PARD3: variants seen among roughly 807,000 people sequenced by gnomAD.
PARD3 encodes the protein partitioning defective 3 homolog.
Under a neutral mutation model 155.4 loss-of-function variants are expected in PARD3, and 75 were observed. That is an observed-to-expected ratio of 0.48 (90% CI 0.40 to 0.58). The LOEUF (loss-of-function observed/expected upper bound fraction) is 0.58. Among genes scored for constraint, PARD3 ranks in the 20% least tolerant of loss-of-function variants. PARD3 has a pLI of 0.00. For synonymous variants in PARD3, 576 were observed against 610.5 expected, an observed-to-expected ratio of 0.94 and a Z score of 0.83; for missense variants, 1,642 against 1,721.7, an observed-to-expected ratio of 0.95 and a Z score of 0.82.
At chr10:34,808,433 A>G (rs1360710582) in intron 1 of PARD3, among the ~76,000 whole-genome samples, 1 of 152,212 alleles carries the variant, frequency 6.6e-6, no homozygotes, top group East Asian at 1.9e-4. Context: ...TTGCTTTTGT[A>G]CAGAAAAGGT....
chr10:34,521,020 G>A (rs1055460475), intron 2 of PARD3, among the ~76,000 whole-genome samples: 5 of 152,134 alleles, frequency 3.3e-5, no homozygotes, highest in Non-Finnish European at 7.4e-5. Context: ...TGAAATTCAT[G>A]TTTTGTTATT....
chr10:34,372,280 C>T (rs1289513509), intron 12 of PARD3, among the ~76,000 whole-genome samples: 4 of 151,950 alleles, frequency 2.6e-5, no homozygotes, highest in Admixed American at 1.3e-4. Flanking sequence ...CTCTTTTTTG[C>T]GTCTATCTGA....
chr10:34,565,108 C>T (rs533904405), intron 2 of PARD3, among the ~76,000 whole-genome samples: 2 of 150,126 alleles, frequency 1.3e-5, no homozygotes, highest in Non-Finnish European at 2.9e-5. Flanking sequence ...TAACTTTAGA[C>T]CATCAGTGAT....
chr10:34,701,540 C>G (rs965244888), intron 1 of PARD3, among the ~76,000 whole-genome samples: 11 of 152,084 alleles, frequency 7.2e-5, no homozygotes, highest in Non-Finnish European at 1.2e-4. Context: ...AAGACTTCCC[C>G]AACAGAGCCG....
chr10:34,284,086 A>G, intron 21 of PARD3, 49 bp downstream of exon 21: 1 of 1,053,456 alleles, frequency 9.5e-7, no homozygotes, highest in Non-Finnish European at 1.4e-6. Context: ...GAAAGAAAAA[A>G]AAAAAGAACC....
chr10:34,343,907 T>G (rs1311829614), intron 15 of PARD3: 1 of 982,826 alleles, frequency 1.0e-6, no homozygotes, highest in Non-Finnish European at 1.2e-6. Flanking sequence ...ATTGGCAAAT[T>G]TACATAGAAG....
intron 22 of PARD3, among the ~76,000 whole-genome samples, chr10:34,166,105 AT>A (rs1236566520): frequency 6.6e-6 from 1 of 152,146 alleles, no homozygotes; most frequent in African/African-American, 2.4e-5. Context: ...GAAGTACTTT[AT>A]TGCTGATAAA....
chr10:34,519,561 C>T (rs1438047889), intron 2 of PARD3, among the ~76,000 whole-genome samples: 1 of 152,094 alleles, frequency 6.6e-6, no homozygotes, highest in Non-Finnish European at 1.5e-5. Context: ...CGCCTGTAAT[C>T]CCAGCACTTT....
chr10:34,538,897 C>A (rs2083408901), intron 2 of PARD3, among the ~76,000 whole-genome samples: 1 of 152,184 alleles, frequency 6.6e-6, no homozygotes, highest in African/African-American at 2.4e-5. Context: ...CCGTGACTTG[C>A]AAACACAATG....
At chr10:34,222,031 A>T (rs1235663693) in intron 22 of PARD3, among the ~76,000 whole-genome samples, 1 of 152,244 alleles carries the variant, frequency 6.6e-6, no homozygotes, top group Admixed American at 6.5e-5. Context: ...AAATTTTATT[A>T]AAAACCTCTA....
chr10:34,124,533 C>T (rs1191073823), intron 23 of PARD3, among the ~76,000 whole-genome samples: 4 of 152,100 alleles, frequency 2.6e-5, no homozygotes, highest in South Asian at 4.1e-4. Context: ...ATCAAAACAA[C>T]GTTAACTTTT....
intron 1 of PARD3, among the ~76,000 whole-genome samples, chr10:34,770,905 T>A (rs557162249): frequency 6.6e-6 from 1 of 152,280 alleles, no homozygotes. Flanking sequence ...GGCCCCGTGA[T>A]CTTTAAGGTC....
chr10:34,305,526 C>A (rs1449776851), intron 20 of PARD3, among the ~76,000 whole-genome samples: 9 of 152,196 alleles, frequency 5.9e-5, no homozygotes, highest in Non-Finnish European at 1.3e-4. Context: ...CGTTTTCAGG[C>A]GTAGGCAGAC....
chr10:34,308,184 T>C (rs892815900), intron 20 of PARD3, among the ~76,000 whole-genome samples: 1 of 152,142 alleles, frequency 6.6e-6, no homozygotes, highest in Non-Finnish European at 1.5e-5. Flanking sequence ...GGGGACCAAG[T>C]TCTGTAGGGC....
chr10:34,643,493 C>T (rs77890727), intron 2 of PARD3, among the ~76,000 whole-genome samples: 2,610 of 152,282 alleles, frequency 0.017, 70 homozygotes, highest in African/African-American at 0.06. Flanking sequence ...AAACATAAAA[C>T]GAATAATAGA....
chr10:34,710,643 A>G (rs1239532867), intron 1 of PARD3, among the ~76,000 whole-genome samples: 1 of 152,120 alleles, frequency 6.6e-6, no homozygotes, highest in African/African-American at 2.4e-5. Context: ...GCTCATCCCA[A>G]GCCGGTTTGT....
At chr10:34,477,838 C>A in intron 3 of PARD3, among the ~76,000 whole-genome samples, 1 of 152,132 alleles carries the variant, frequency 6.6e-6, no homozygotes. Flanking sequence ...ATACAAACAG[C>A]AAAATTACTC....
chr10:34,214,930 G>A (rs1951930195), intron 22 of PARD3, among the ~76,000 whole-genome samples: 1 of 152,052 alleles, frequency 6.6e-6, no homozygotes, highest in African/African-American at 2.4e-5. Flanking sequence ...AGGGTGAGAC[G>A]CAGTCAGGAA....
At chr10:34,264,544 A>G (rs887603697) in intron 22 of PARD3, among the ~76,000 whole-genome samples, 4 of 152,152 alleles carry the variant, frequency 2.6e-5, no homozygotes, top group African/African-American at 9.7e-5. Flanking sequence ...CATGTAGCCT[A>G]CAACTTTAGA....
Sources: gnomAD v4.1 joint callset for allele counts (sites outside exome capture counted in the v4.1 genomes callset) on GRCh38, gnomAD v4.1.1 for gene constraint, MANE v1.5 for transcripts, NCBI Gene and HGNC (gene_info 2026-07-23, HGNC 2026-07-21) for gene names.